Variants in TASOR2 observed in about 807,000 individuals in gnomAD.
TASOR2 encodes transcription activation suppressor family member 2.
TASOR2 carries 84 observed loss-of-function variants against 199.5 expected under a neutral mutation model. That is an observed-to-expected ratio of 0.42 (90% CI 0.35 to 0.50). The LOEUF is 0.50. TASOR2 is among the 20% of genes least tolerant of loss of function. TASOR2 has a pLI of 0.02. For synonymous variants in TASOR2, 1,103 were observed against 1,046.6 expected, an observed-to-expected ratio of 1.05 and a Z score of -1.04; for missense variants, 2,796 against 2,835.9, an observed-to-expected ratio of 0.99 and a Z score of 0.32.
exon 19 of TASOR2, chr10:5,761,356 A>T (rs763691033): frequency 1.2e-6 from 2 of 1,613,924 alleles, no homozygotes; most frequent in East Asian, 4.5e-5. Context: ...ATATCATTGA[A>T]TTGCTTCATT....
At chr10:5,741,093 T>G (rs1195393700) in intron 13 of TASOR2, among the ~76,000 whole-genome samples, 1 of 152,240 alleles carries the variant, frequency 6.6e-6, no homozygotes, top group Non-Finnish European at 1.5e-5. Context: ...CAGTGCTTCT[T>G]AATTGTGTGT....
chr10:5,704,940 C>T (rs974647691), intron 1 of TASOR2, among the ~76,000 whole-genome samples: 3 of 152,080 alleles, frequency 2.0e-5, no homozygotes, highest in African/African-American at 7.2e-5. Context: ...CTTGGAATTT[C>T]CTTTGTGGCC....
chr10:5,749,207 C>G, exon 15 of TASOR2: 2 of 1,614,118 alleles, frequency 1.2e-6, no homozygotes, highest in Non-Finnish European at 1.7e-6. Flanking sequence ...GCCAACTTCT[C>G]TATAACAAAA....
At position 5,761,336 on chromosome 10, in the gene TASOR2, C is replaced by T. The variant is rs952849832; in HGVS notation, c.7039C>T (p.Gln2347Ter). The T allele has an allele frequency of 2.5e-6, 4 of 1,613,928 alleles. No individual in the cohort carries two copies. The highest frequency in any genetic ancestry group is 3.4e-6 in the Non-Finnish European group (4 of 1,179,958). ...GAAGAACATAATGTTGAAGTCATTTCAGAGTGCAAATATCATTGAATTGCT... is the reference window on the plus strand; with the variant it reads ...GAAGAACATAATGTTGAAGTCATTTTAGAGTGCAAATATCATTGAATTGCT... The change falls in exon 19 of 21, where the codon CAG becomes TAG. Residue 2347 changes from glutamine to a stop codon, truncating the protein, a stop_gained. Coordinates refer to ENST00000328090, the Ensembl canonical transcript of TASOR2. LOFTEE classifies it high-confidence loss of function.
At chr10:5,688,992 G>C (rs756336938) in intron 1 of TASOR2, among the ~76,000 whole-genome samples, 13 of 152,174 alleles carry the variant, frequency 8.5e-5, no homozygotes, top group Non-Finnish European at 1.8e-4. Flanking sequence ...GACAGAGCAA[G>C]ACCCTGTCTC....
chr10:5,700,262 G>A (rs570269070), intron 1 of TASOR2, among the ~76,000 whole-genome samples: 119 of 152,086 alleles, frequency 7.8e-4, no homozygotes, highest in Non-Finnish European at 7.4e-5. Context: ...GCTGAAAATA[G>A]CAGGATTTTA....
At chr10:5,749,105 C>CCGG in exon 15 of TASOR2, 1 of 1,614,058 alleles carries the variant, frequency 6.2e-7, no homozygotes, top group Non-Finnish European at 8.5e-7. Context: ...AGCCTCCCTC[C>CCGG]CGGGCACTGG....
At chr10:5,708,636 CT>C (rs1488192166) in intron 1 of TASOR2, among the ~76,000 whole-genome samples, 3,751 of 29,500 alleles carry the variant, frequency 0.13, 276 homozygotes, top group African/African-American at 0.26. Context: ...CCCTTCCTCC[CT>C]TCCTTCCTTC....
chr10:5,749,460 C>A, exon 15 of TASOR2: 1 of 1,614,152 alleles, frequency 6.2e-7, no homozygotes, highest in Non-Finnish European at 8.5e-7. Context: ...CAACCCAGAT[C>A]TCCATTGGTG....
In TASOR2 at chr10:5,752,398, C is replaced by T. The variant is rs1166182481; in HGVS notation, c.6606+2371C>T. 2.6e-5 allele frequency among the ~76,000 whole-genome samples: 4 copies of T among 152,110 alleles called. No homozygotes were observed. The highest frequency in any genetic ancestry group is 1.9e-4 in the East Asian group (1 of 5,188). On this transcript the variant is annotated intron_variant, in intron 15 of 20. Transcript: ENST00000328090. This position sits in a 1 kb window ranked among gnomAD's most constrained non-coding sequence, Gnocchi z 4.4. ...GCAGAGCATAGGGGCCTGCAGGCCG[C>T]GTGCAAAACTGGACGTGCCGTGTGT...
At chr10:5,732,307 C>T (rs1411775247) in intron 11 of TASOR2, among the ~76,000 whole-genome samples, 5 of 152,386 alleles carry the variant, frequency 3.3e-5, no homozygotes, top group African/African-American at 9.6e-5. Flanking sequence ...CAAGGGGCCA[C>T]TCGGTTGTGC....
chr10:5,726,629 C>A (rs1047401407), intron 8 of TASOR2, among the ~76,000 whole-genome samples: 1 of 152,138 alleles, frequency 6.6e-6, no homozygotes, highest in African/African-American at 2.4e-5. Flanking sequence ...TCTGATTGAT[C>A]TGCCATGTTC....
rs1475464743 is a variant in TASOR2 at position 5,710,779 on chromosome 10, G to T, written c.-287-2044G>T. Among the ~76,000 whole-genome samples the T allele has an allele frequency of 6.6e-6, 1 of 151,932 alleles. No individual in the cohort carries two copies. The highest frequency in any genetic ancestry group is 1.5e-5 in the Non-Finnish European group (1 of 67,912). On this transcript the variant is annotated intron_variant, in intron 1 of 20. Coordinates refer to ENST00000328090, the Ensembl canonical transcript of TASOR2. This position sits in a 1 kb window ranked among gnomAD's most constrained non-coding sequence, Gnocchi z 4.6. ...TAAACAATGTGTTTCTCAAATATTG[G>T]TCTATAGGTAATTCAATTTTGAAAC...
intron 3 of TASOR2, among the ~76,000 whole-genome samples, chr10:5,718,374 C>T (rs1313215634): frequency 7.6e-6 from 1 of 131,572 alleles, no homozygotes; most frequent in Non-Finnish European, 1.6e-5. Flanking sequence ...ATCAGCCTAG[C>T]ACTAAATGAC....
In TASOR2 at chr10:5,747,943, C is replaced by G. The variant is rs2131629137; in HGVS notation, c.4522C>G (p.His1508Asp). Reference sequence around the variant, plus strand: ...AACTGAGGAAATTGTCTCAAGTGAGCATGATGAGGGTTTATCTTTCTCAGG... The same window carrying G: ...AACTGAGGAAATTGTCTCAAGTGAGGATGATGAGGGTTTATCTTTCTCAGG... The change falls in exon 15 of 21, where the codon CAT (histidine) becomes GAT (aspartate). Residue 1508 changes from histidine to aspartate, a missense_variant. By Grantham distance (81) the His-to-Asp change is moderately conservative. Coordinates refer to ENST00000328090, the Ensembl canonical transcript of TASOR2. The G allele has an allele frequency of 1.9e-6, 3 of 1,613,790 alleles. No individual in the cohort carries two copies. The East Asian group carries it at 6.7e-5, about 36-fold the overall frequency.
intron 14 of TASOR2, 28 bp from the exon 16 acceptor site, chr10:5,746,151 T>A: frequency 6.7e-7 from 1 of 1,503,000 alleles, no homozygotes; most frequent in Non-Finnish European, 8.9e-7. Context: ...TGACTGATTT[T>A]TTTTTTTTTT....
chr10:5,685,031 G>A lies in TASOR2; in HGVS notation c.-432G>A, dbSNP rs1214090555. 2.5e-6 allele frequency: 1 copy of A among 397,658 alleles called. No homozygotes were observed. The highest frequency in any genetic ancestry group is 2.1e-5 in the African/African-American group (1 of 48,586). The allele number at this position is 397,658 out of a possible 1,614,324, so 24.6% of individuals were successfully genotyped here. The stretch of plus-strand genomic sequence containing the variant: ...GTGCCCCTGAGGGGGGTCCCCGCGG[G>A]AGCGCGGAGCCGGCGACTGGTGCTT... On this transcript the variant is annotated 5_prime_UTR_variant, in exon 1 of 21. Coordinates refer to ENST00000328090, the Ensembl canonical transcript of TASOR2. The surrounding 1 kb of genome is among the most constrained non-coding windows in gnomAD (Gnocchi z 5.4).
Position 5,754,932 on chromosome 10 carries a change from G to C in TASOR2, c.6607-1681G>C, listed in dbSNP as rs1353582269. 1.3e-5 allele frequency among the ~76,000 whole-genome samples: 2 copies of C among 151,034 alleles called. No individual in the cohort carries two copies. The highest frequency in any genetic ancestry group is 2.9e-5 in the Non-Finnish European group (2 of 67,894). On this transcript the variant is annotated intron_variant, in intron 15 of 20. Coordinates refer to ENST00000328090, the Ensembl canonical transcript of TASOR2. The surrounding 1 kb of genome is among the most constrained non-coding windows in gnomAD (Gnocchi z 4.3). ...GTGGTGGCGGGTGCCTGTAGTCCCA[G>C]CTACTCGGGAGGCTGAGGCAGGAGA...
intron 1 of TASOR2, among the ~76,000 whole-genome samples, chr10:5,694,424 A>G (rs1836894930): frequency 6.6e-6 from 1 of 152,234 alleles, no homozygotes; most frequent in South Asian, 2.1e-4. Flanking sequence ...GGCATACAAC[A>G]ATGAAAAGGA....
Sources: gnomAD v4.1 joint callset for allele counts (sites outside exome capture counted in the v4.1 genomes callset) on GRCh38, gnomAD v4.1.1 for gene constraint, Gnocchi (gnomAD v3.1) non-coding constraint, MANE v1.5 for transcripts, NCBI Gene and HGNC (gene_info 2026-07-23, HGNC 2026-07-21) for gene names.